The following NUDCD1 variants were observed in gnomAD, a reference collection of about 807,000 sequenced individuals.
NUDCD1 encodes the protein NudC domain containing 1, also known as nudC domain-containing protein 1.
A neutral mutation model predicts 67.8 loss-of-function variants in NUDCD1; 60 were observed. The ratio of observed to expected loss-of-function variants is 0.88; its 90% CI spans 0.72 to 1.10. The LOEUF (loss-of-function observed/expected upper bound fraction) is 1.10. Among genes scored for constraint, NUDCD1 ranks in the 50% least tolerant of loss-of-function variants. The pLI, the probability that NUDCD1 is intolerant of heterozygous loss-of-function variation, is 0.00. For missense variants in NUDCD1, 643 were observed against 695.0 expected (o/e 0.93, Z 0.84); for synonymous variants, 244 against 230.8 (o/e 1.06, Z -0.52).
At chr8:109,291,868 G>A (rs1434810420) in intron 4 of NUDCD1, among the ~76,000 whole-genome samples, 2 of 152,026 alleles carry the variant, frequency 1.3e-5, no homozygotes, top group Non-Finnish European at 2.9e-5. Flanking sequence ...AGATGTTACA[G>A]AACCAAGTGT....
At chr8:109,300,134 G>A (rs1307089396) in intron 2 of NUDCD1, among the ~76,000 whole-genome samples, 1 of 152,160 alleles carries the variant, frequency 6.6e-6, no homozygotes, top group Non-Finnish European at 1.5e-5. Context: ...CTCTGATAGA[G>A]CCTACCCAAA....
intron 2 of NUDCD1, among the ~76,000 whole-genome samples, chr8:109,322,066 A>G (rs1275479583): frequency 1.3e-5 from 2 of 152,172 alleles, no homozygotes; most frequent in Non-Finnish European, 2.9e-5. Context: ...TATTAATAAT[A>G]TATAAAATCC....
intron 8 of NUDCD1, among the ~76,000 whole-genome samples, chr8:109,261,422 G>A (rs1382101747): frequency 6.6e-6 from 1 of 152,024 alleles, no homozygotes; most frequent in Non-Finnish European, 1.5e-5. Flanking sequence ...AACTATACAT[G>A]ACAATGTGGT....
rs143756807 is a variant in NUDCD1, at chr8:109,264,445, G to T, written c.1299+6560C>A. Among the ~76,000 whole-genome samples the T allele has an allele frequency of 4.6e-5, 7 of 152,064 alleles. No homozygotes were observed. The East Asian group carries it at 1.3e-3, about 29-fold the overall frequency. On this transcript the variant is annotated intron_variant, in intron 8 of 9. Transcript: ENST00000239690. ...ATTAACAAATGCTTATGTGTGTATC[G>T]GTTTATATTGAATAATGAAATAGAT...
intron 5 of NUDCD1, among the ~76,000 whole-genome samples, chr8:109,284,006 A>C (rs1467567167): frequency 4.7e-5 from 7 of 150,228 alleles, no homozygotes; most frequent in East Asian, 3.9e-4. Context: ...AAAAAAAAAA[A>C]ACAAAACAAA....
chr8:109,332,409 GGT>G (rs1815826565), intron 1 of NUDCD1, among the ~76,000 whole-genome samples: 1 of 152,178 alleles, frequency 6.6e-6, no homozygotes, highest in African/African-American at 2.4e-5. Context: ...AGTGTCTCTT[GGT>G]ACCAACCTGG....
chr8:109,272,176 A>ATT (rs1452707970), intron 7 of NUDCD1, among the ~76,000 whole-genome samples: 1 of 152,110 alleles, frequency 6.6e-6, no homozygotes, highest in African/African-American at 2.4e-5. Context: ...ATCTCTTTTA[A>ATT]AAGAGAATTA....
intron 1 of NUDCD1, among the ~76,000 whole-genome samples, chr8:109,326,320 C>T (rs1815681394): frequency 6.6e-6 from 1 of 152,186 alleles, no homozygotes; most frequent in Admixed American, 6.5e-5. Context: ...AAGGACACCT[C>T]TCTGGCCTCA....
intron 2 of NUDCD1, among the ~76,000 whole-genome samples, chr8:109,311,345 C>T (rs1815243328): frequency 6.6e-6 from 1 of 152,044 alleles, no homozygotes; most frequent in Non-Finnish European, 1.5e-5. Flanking sequence ...AGTACAACCA[C>T]TACGGAAAAC....
chr8:109,318,042 T>C (rs1183445581), intron 2 of NUDCD1, among the ~76,000 whole-genome samples: 2 of 152,174 alleles, frequency 1.3e-5, no homozygotes, highest in East Asian at 3.8e-4. Flanking sequence ...TAAAACAGTT[T>C]TTATTTTTGC....
intron 8 of NUDCD1, among the ~76,000 whole-genome samples, chr8:109,263,842 A>C (rs1166700587): frequency 6.6e-6 from 1 of 152,156 alleles, no homozygotes; most frequent in Non-Finnish European, 1.5e-5. Context: ...TACAAAAGGA[A>C]AAGTAGGTAA....
chr8:109,261,341 C>T (rs1174925458), intron 8 of NUDCD1, among the ~76,000 whole-genome samples: 1 of 151,916 alleles, frequency 6.6e-6, no homozygotes, highest in East Asian at 1.9e-4. Flanking sequence ...ATGAAAAATC[C>T]ACACTAGAAT....
chr8:109,331,814 T>C (rs1242050766), intron 1 of NUDCD1, among the ~76,000 whole-genome samples: 1 of 152,220 alleles, frequency 6.6e-6, no homozygotes, highest in Non-Finnish European at 1.5e-5. Context: ...AGCTGAGTTT[T>C]ATTTTATATT....
At chr8:109,311,559 G>GTGTGTGTATGTATATATATATATATA in intron 2 of NUDCD1, among the ~76,000 whole-genome samples, 11 of 125,156 alleles carry the variant, frequency 8.8e-5, no homozygotes, top group African/African-American at 3.8e-4. Flanking sequence ...AAACTGTGGT[G>GTGTGTGTATGTATATATATATATATA]TATATATATA....
Position 109,289,870 on chromosome 8 carries a change from G to A in NUDCD1, c.704C>T (p.Ala235Val), listed in dbSNP as rs1292310096. ...ACCATTTCCATCAGGCTCAATAGCA[G>A]CATAATGTGGCACTGACTTTCCACG... ...ILRGKSVPHY[A>V]AIEPDGNGLM... Residue 235 changes from alanine (A) to valine (V), a missense_variant, in exon 5 of 10, where the codon GCT becomes GTT. Physicochemically the swap from Ala to Val is moderately conservative, Grantham distance 64. Transcript: ENST00000239690. 1 of 1,548,198 alleles carries A rather than the reference G, an allele frequency of 6.5e-7. No individual in the cohort carries two copies. Among genetic ancestry groups the A allele is most frequent in the Admixed American group, 2.1e-5 (1 of 47,782 alleles).
intron 3 of NUDCD1, among the ~76,000 whole-genome samples, chr8:109,295,022 T>C (rs1280714864): frequency 6.6e-6 from 1 of 152,068 alleles, no homozygotes; most frequent in Non-Finnish European, 1.5e-5. Flanking sequence ...GCTGAAAACA[T>C]CTCTGAAGGG....
At chr8:109,315,540 C>T (rs545666549) in intron 2 of NUDCD1, 2 of 152,246 alleles carry the variant, frequency 1.3e-5, no homozygotes, top group East Asian at 3.9e-4. Flanking sequence ...TAATCATTGT[C>T]TGAGCATCAG....
intron 4 of NUDCD1, among the ~76,000 whole-genome samples, chr8:109,292,358 T>A (rs990344065): frequency 1.3e-5 from 2 of 152,114 alleles, no homozygotes; most frequent in Non-Finnish European, 2.9e-5. Context: ...TAAATTATAT[T>A]GAATACTTCA....
At position 109,245,312 on chromosome 8, in the gene NUDCD1, T is replaced by A. The variant is rs758571857; in HGVS notation, c.1459+10A>T. ...ATTTCATGGAAAATGTCAAAGAGTT[T>A]GCTTTATACCTAAAGCATTGAAAGT... On this transcript the variant is annotated intron_variant, in intron 9 of 9. Transcript: ENST00000239690. 8.8e-6 allele frequency: 14 copies of A among 1,597,926 alleles called. No individual in the cohort carries two copies. The highest frequency in any genetic ancestry group is 1.1e-5 in the Non-Finnish European group (13 of 1,172,792).
Sources: allele counts gnomAD v4.1 joint callset (sites outside exome capture counted in the v4.1 genomes callset), GRCh38; gene constraint gnomAD v4.1.1; transcripts MANE v1.5; gene names NCBI Gene and HGNC (gene_info 2026-07-23, HGNC 2026-07-21).